The following TMEM232 variants were observed in gnomAD, a reference collection of about 807,000 sequenced individuals.
The protein encoded by TMEM232 is transmembrane protein 232.
In TMEM232, 80 loss-of-function variants were observed where a neutral mutation model predicts 78.8. That is an observed-to-expected ratio of 1.01 (90% CI 0.85 to 1.22). The LOEUF (loss-of-function observed/expected upper bound fraction) is 1.22. Among genes scored for constraint, TMEM232 ranks in the 50% most tolerant of loss-of-function variants. The probability of loss-of-function intolerance (pLI) is 0.00; values close to 1 mark genes in which losing one functional copy is unlikely to be tolerated. For synonymous variants in TMEM232, 297 were observed against 254.3 expected (o/e 1.17, Z -1.60); for missense variants, 881 against 742.2 (o/e 1.19, Z -2.17).
At chr5:110,704,210 G>C (rs1249964783) in intron 1 of TMEM232, among the ~76,000 whole-genome samples, 1 of 152,004 alleles carries the variant, frequency 6.6e-6, no homozygotes, top group Non-Finnish European at 1.5e-5. Context: ...ATCAACTAAA[G>C]GGTTCACCTG....
At chr5:110,480,586 A>G (rs551067934) in intron 12 of TMEM232, among the ~76,000 whole-genome samples, 2 of 152,182 alleles carry the variant, frequency 1.3e-5, no homozygotes, top group South Asian at 4.1e-4. Flanking sequence ...ACTTCTTGCA[A>G]TGGAAATGGT....
At chr5:110,398,482 C>T (rs1193200560) in intron 2 of TMEM232, among the ~76,000 whole-genome samples, 7 of 152,204 alleles carry the variant, frequency 4.6e-5, no homozygotes, top group Non-Finnish European at 7.4e-5. Context: ...ATGGTTGGTG[C>T]CACAGAACCA....
intron 2 of TMEM232, among the ~76,000 whole-genome samples, chr5:110,653,584 GT>G (rs1314856741): frequency 6.6e-6 from 1 of 152,142 alleles, no homozygotes; most frequent in Non-Finnish European, 1.5e-5. Flanking sequence ...TAGAGATTAG[GT>G]GGAGGTCAAG....
rs1580792177 is a variant in TMEM232, at chr5:110,465,518, A to G, written c.1704-40602T>C. On this transcript the variant is annotated intron_variant, in intron 12 of 13. Coordinates refer to ENST00000455884, the MANE Select transcript of TMEM232 (RefSeq NM_001039763.4). The stretch of plus-strand genomic sequence containing the variant: ...CATTATTTTCTTTTCTTCTTTGTGT[A>G]TATGTTTATTTGATAAAAATTTTGA... Among the ~76,000 whole-genome samples, 5 of 152,256 alleles carry G rather than the reference A, an allele frequency of 3.3e-5. No individual in the cohort carries two copies. In the South Asian group the frequency reaches 1.0e-3, roughly 32 times the overall value.
intron 12 of TMEM232, among the ~76,000 whole-genome samples, chr5:110,436,355 T>C (rs1218479121): frequency 6.6e-6 from 1 of 152,040 alleles, no homozygotes; most frequent in African/African-American, 2.4e-5. Context: ...TTGTGGTTAT[T>C]AATGCCGTGC....
At chr5:110,523,706 A>C (rs1769905558) in intron 12 of TMEM232, among the ~76,000 whole-genome samples, 1 of 152,042 alleles carries the variant, frequency 6.6e-6, no homozygotes, top group Non-Finnish European at 1.5e-5. Context: ...TAATCCCAGC[A>C]GTTTGGGAGG....
At chr5:110,679,671 T>C (rs1792470496) in intron 1 of TMEM232, among the ~76,000 whole-genome samples, 1 of 152,188 alleles carries the variant, frequency 6.6e-6, no homozygotes, top group African/African-American at 2.4e-5. Context: ...AATATCTTTG[T>C]TTTGTTATGA....
chr5:110,663,805 C>A (rs970008416), intron 2 of TMEM232, among the ~76,000 whole-genome samples: 1 of 150,576 alleles, frequency 6.6e-6, no homozygotes, highest in Non-Finnish European at 1.5e-5. Context: ...TTTGGAGACC[C>A]ATAGAAAGCA....
intron 12 of TMEM232, among the ~76,000 whole-genome samples, chr5:110,437,672 G>A (rs1179450515): frequency 6.6e-6 from 1 of 151,928 alleles, no homozygotes; most frequent in Admixed American, 6.6e-5. Flanking sequence ...TAGGTAAGAA[G>A]CATATTTTAG....
At chr5:110,628,048 T>C (rs781714240) in intron 5 of TMEM232, among the ~76,000 whole-genome samples, 168 bp from the exon 6 acceptor site, 1 of 152,112 alleles carries the variant, frequency 6.6e-6, no homozygotes, top group South Asian at 2.1e-4. Context: ...TATATCAAGA[T>C]TGAAATGCTA....
intron 10 of TMEM232, among the ~76,000 whole-genome samples, chr5:110,596,608 A>T (rs1780201054): frequency 6.6e-6 from 1 of 152,182 alleles, no homozygotes; most frequent in Non-Finnish European, 1.5e-5. Context: ...TCATGCAAAA[A>T]TCCTCAGTAA....
intron 12 of TMEM232, among the ~76,000 whole-genome samples, chr5:110,520,115 T>G (rs917143715): frequency 6.6e-6 from 1 of 151,150 alleles, no homozygotes; most frequent in African/African-American, 2.4e-5. Flanking sequence ...CACAATAGGG[T>G]AACTACAGTT....
intron 1 of TMEM232, among the ~76,000 whole-genome samples, chr5:110,720,182 C>T (rs1797447167): frequency 6.6e-6 from 1 of 152,136 alleles, no homozygotes; most frequent in East Asian, 1.9e-4. Context: ...ATTCTAGGAG[C>T]TGAGCAGAGC....
intron 12 of TMEM232, among the ~76,000 whole-genome samples, chr5:110,470,320 T>C (rs1172860501): frequency 1.3e-5 from 2 of 152,068 alleles, no homozygotes; most frequent in Admixed American, 1.3e-4. Flanking sequence ...TCACAGACCA[T>C]GGTTCTGTGA....
Position 110,504,948 on chromosome 5 carries a change from TCATA to T in TMEM232, c.1703+23636_1703+23639del, listed in dbSNP as rs763683956. 6.6e-5 allele frequency among the ~76,000 whole-genome samples: 10 copies of T among 152,340 alleles called. 1 individual carries two copies. In the East Asian group the frequency reaches 7.7e-4, roughly 12 times the overall value. On this transcript the variant is annotated intron_variant, in intron 12 of 13. Transcript: ENST00000455884. ...CATAAATATGACAGGGCACTTATTT[TCATA>T]CAAGAAACTATTTTTCCTCAAAAAA... is the stretch of plus-strand genomic sequence containing the variant.
intron 10 of TMEM232, among the ~76,000 whole-genome samples, chr5:110,574,357 T>A (rs1777327403): frequency 6.6e-6 from 1 of 152,124 alleles, no homozygotes; most frequent in Admixed American, 6.6e-5. Flanking sequence ...GATGATAGTT[T>A]GGACTTGGCA....
chr5:110,535,589 G>T (rs1181243056), intron 11 of TMEM232, among the ~76,000 whole-genome samples: 1 of 152,044 alleles, frequency 6.6e-6, no homozygotes, highest in Non-Finnish European at 1.5e-5. Context: ...AAAATAAAAT[G>T]TTAAAAATTA....
chr5:110,625,462 A>C, intron 6 of TMEM232, 29 bp from the exon 7 acceptor site: 1 of 1,484,752 alleles, frequency 6.7e-7, no homozygotes, highest in Non-Finnish European at 9.0e-7. Context: ...TCTGTGAGAA[A>C]TAATTTATTA....
intron 10 of TMEM232, among the ~76,000 whole-genome samples, chr5:110,593,419 A>G (rs1393899927): frequency 3.3e-5 from 5 of 152,248 alleles, no homozygotes; most frequent in Admixed American, 2.6e-4. Context: ...CATGAATTCA[A>G]TAAAATTATG....
Sources: allele counts gnomAD v4.1 joint callset (sites outside exome capture counted in the v4.1 genomes callset), GRCh38; gene constraint gnomAD v4.1.1; transcripts MANE v1.5; gene names NCBI Gene and HGNC (gene_info 2026-07-23, HGNC 2026-07-21).